The following TRRAP variants were observed in gnomAD, a reference collection of about 807,000 sequenced individuals.
TRRAP encodes transformation/transcription domain-associated protein.
Under a neutral mutation model 438.8 loss-of-function variants are expected in TRRAP, and 41 were observed. The observed-to-expected ratio is 0.09, with a 90% CI of 0.07 to 0.12. The LOEUF (loss-of-function observed/expected upper bound fraction) is 0.12, where lower values mean the gene tolerates loss of function less well. Among genes scored for constraint, TRRAP ranks in the 10% least tolerant of loss-of-function variants. The pLI is 1.00. For synonymous variants in TRRAP, 1,994 were observed against 1,962.9 expected, an observed-to-expected ratio of 1.02 and a Z score of -0.42; for missense variants, 3,122 against 5,055.1, an observed-to-expected ratio of 0.62 and a Z score of 11.60.
intron 18 of TRRAP, among the ~76,000 whole-genome samples, chr7:98,913,253 C>T (rs1388355731): frequency 6.6e-6 from 1 of 152,076 alleles, no homozygotes; most frequent in Non-Finnish European, 1.5e-5. Context: ...GTTACAGTTA[C>T]ATCAACAGTT....
At chr7:98,910,875 T>C (rs1226700934) in intron 16 of TRRAP, among the ~76,000 whole-genome samples, 1 of 151,880 alleles carries the variant, frequency 6.6e-6, no homozygotes, top group Admixed American at 6.6e-5. Context: ...TTTCATGGTC[T>C]GAACACCTAG....
At chr7:98,979,028 A>G in intron 58 of TRRAP, 124 bp downstream of exon 58, 1 of 1,266,984 alleles carries the variant, frequency 7.9e-7, no homozygotes, top group Non-Finnish European at 1.1e-6. Context: ...TTTGGGAAGG[A>G]AAGGTTCCTT....
intron 18 of TRRAP, 148 bp downstream of exon 18, chr7:98,912,361 G>GCACT: frequency 1.5e-6 from 1 of 648,464 alleles, no homozygotes; most frequent in Non-Finnish European, 2.4e-6. Context: ...GGGACTATAG[G>GCACT]CACTCACCAC....
At chr7:98,881,571 C>CA (rs35358303) in intron 2 of TRRAP, 17,944 of 123,718 alleles carry the variant, frequency 0.15, 2,830 homozygotes, top group African/African-American at 0.44. Context: ...GACTCCCTCT[C>CA]AAAAAAAAAA....
At chr7:98,886,501 T>G (rs113820802) in intron 3 of TRRAP, among the ~76,000 whole-genome samples, 3 of 152,084 alleles carry the variant, frequency 2.0e-5, no homozygotes, top group Admixed American at 6.6e-5. Context: ...TAGAGAGATA[T>G]GGATATCTAG....
In TRRAP at chr7:98,933,406, G is replaced by C. The variant is rs782762869; in HGVS notation, c.4014+4G>C. The C allele has an allele frequency of 1.2e-6, 2 of 1,610,768 alleles. No individual in the cohort carries two copies. Among genetic ancestry groups the C allele is most frequent in the East Asian group, 4.5e-5 (2 of 44,796 alleles). The stretch of plus-strand genomic sequence containing the variant: ...GCATAAGGTGTTCTACACAGAGGTA[G>C]GGGGGTGGTGGTGCGGAGTGGTGTG... On this transcript the variant is annotated splice_donor_region_variant and intron_variant, in intron 27 of 72. Transcript: ENST00000456197.
chr7:99,012,427 C>G lies in TRRAP; in HGVS notation c.*72C>G. The G allele has an allele frequency of 6.8e-7, 1 of 1,471,002 alleles. No individual in the cohort carries two copies. 91.1% of individuals were successfully genotyped at this position (1,471,002 alleles called of 1,614,324 possible). ...TGAGCCCGCAGCTTTTACGACTTCT[C>G]CCTGCCTCGTTCCTTATATTCACAG... On this transcript the variant is annotated 3_prime_UTR_variant, in exon 73 of 73. Coordinates refer to ENST00000456197, the MANE Select transcript of TRRAP (RefSeq NM_001375524.1). This position sits in a 1 kb window ranked among gnomAD's most constrained non-coding sequence, Gnocchi z 5.9.
intron 48 of TRRAP, 30 bp downstream of exon 48, chr7:98,964,805 T>TCAGACTCTGTTGAACAGAGAA (rs770096272): frequency 1.7e-5 from 28 of 1,600,396 alleles, no homozygotes; most frequent in Admixed American, 6.9e-5. Context: ...GGGCCTTTCC[T>TCAGACTCTGTTGAACAGAGAA]CAGACTCTGT....
At chr7:98,943,106 G>C in intron 31 of TRRAP, 89 bp downstream of exon 31, 1 of 1,375,690 alleles carries the variant, frequency 7.3e-7, no homozygotes, top group Non-Finnish European at 1.0e-6. Flanking sequence ...TAAAATGCCG[G>C]TCAGAAACCT....
At chr7:98,968,606 T>C (rs1383896259) in intron 51 of TRRAP, among the ~76,000 whole-genome samples, 1 of 152,226 alleles carries the variant, frequency 6.6e-6, no homozygotes, top group Non-Finnish European at 1.5e-5. Context: ...TTACCAGTGC[T>C]GTGCAGGTAG....
intron 52 of TRRAP, 52 bp downstream of exon 52, chr7:98,970,343 C>T: frequency 1.3e-6 from 2 of 1,585,812 alleles, no homozygotes; most frequent in Non-Finnish European, 1.7e-6. Flanking sequence ...TGAGGCCCCA[C>T]ACCCCACGGG....
At chr7:98,996,322 C>T (rs1399269377) in intron 67 of TRRAP, among the ~76,000 whole-genome samples, 1 of 152,230 alleles carries the variant, frequency 6.6e-6, no homozygotes, top group African/African-American at 2.4e-5. Flanking sequence ...CATTCAGCCT[C>T]CATCCCACTT....
chr7:99,011,281 C>G lies in TRRAP; in HGVS notation c.11142+26C>G, dbSNP rs757315580. ...GTAACCTGCTTTGAACAGCCAGATC[C>G]TCTCCTCGTGACATCGCCTTTCTGC... On this transcript the variant is annotated intron_variant, in intron 71 of 72. Coordinates refer to ENST00000456197, the MANE Select transcript of TRRAP (RefSeq NM_001375524.1). The surrounding 1 kb of genome is among the most constrained non-coding windows in gnomAD (Gnocchi z 7.1). The G allele has an allele frequency of 4.3e-6, 7 of 1,613,434 alleles. No homozygotes were observed. The East Asian group carries it at 1.3e-4, about 31-fold the overall frequency.
rs182325186 is a variant in TRRAP at position 99,008,045 on chromosome 7, C to T, written c.10754-332C>T. ...TTCACCATGTTGACCAGGATGGTCT[C>T]GATCTCCTGACCTCGTGATCCGCCC... is the stretch of plus-strand genomic sequence containing the variant. On this transcript the variant is annotated intron_variant, in intron 69 of 72. Coordinates refer to ENST00000456197, the MANE Select transcript of TRRAP (RefSeq NM_001375524.1). Among the ~76,000 whole-genome samples, 4 of 151,960 alleles carry T rather than the reference C, an allele frequency of 2.6e-5. No homozygotes were observed. In the East Asian group the frequency reaches 5.9e-4, roughly 22 times the overall value.
rs1203926122 is a variant in TRRAP at position 98,957,926 on chromosome 7, G to A, written c.6232-55G>A. 2.6e-6 allele frequency: 4 copies of A among 1,513,550 alleles called. No individual in the cohort carries two copies. In the Admixed American group the frequency reaches 7.2e-5, roughly 27 times the overall value. 93.8% of individuals were successfully genotyped at this position (1,513,550 alleles called of 1,614,324 possible). ...TTAGCTGGGTGAAAAGTCAAGCCTG[G>A]GTTGGAAATTAGTGTTGCGATTCTC... On this transcript the variant is annotated intron_variant, in intron 43 of 72. Coordinates refer to ENST00000456197, the MANE Select transcript of TRRAP (RefSeq NM_001375524.1).
chr7:98,984,824 CAATTT>C, intron 61 of TRRAP, 115 bp from the exon 62 acceptor site: 1 of 561,480 alleles, frequency 1.8e-6, no homozygotes. Flanking sequence ...AATCTTTTGT[CAATTT>C]AAAGTACATT....
intron 23 of TRRAP, among the ~76,000 whole-genome samples, chr7:98,928,758 T>G (rs1295331897): frequency 6.6e-6 from 1 of 151,184 alleles, no homozygotes; most frequent in African/African-American, 2.4e-5. Context: ...TTTTCTTTAT[T>G]TTTTTTTTAA....
chr7:98,994,986 C>A lies in TRRAP; in HGVS notation c.10309+138C>A. On this transcript the variant is annotated intron_variant, in intron 67 of 72. Coordinates refer to ENST00000456197, the MANE Select transcript of TRRAP (RefSeq NM_001375524.1). This position sits in a 1 kb window ranked among gnomAD's most constrained non-coding sequence, Gnocchi z 4.8. ...CACTGGTTACACTCTGTTTACAGTGCAGACTTCAGAGTGCATAGCTGAGAC... is the reference window on the plus strand; with the variant it reads ...CACTGGTTACACTCTGTTTACAGTGAAGACTTCAGAGTGCATAGCTGAGAC... The A allele has an allele frequency of 2.3e-6, 3 of 1,283,524 alleles. No homozygotes were observed. The highest frequency in any genetic ancestry group is 3.2e-6 in the Non-Finnish European group (3 of 941,688). 79.5% of individuals were successfully genotyped at this position (1,283,524 alleles called of 1,614,324 possible).
intron 53 of TRRAP, among the ~76,000 whole-genome samples, chr7:98,974,168 AG>A (rs1792544477): frequency 6.6e-6 from 1 of 152,164 alleles, no homozygotes; most frequent in South Asian, 2.1e-4. Context: ...TAAAGCAGCC[AG>A]GGCTGGTGGG....
Sources: allele counts gnomAD v4.1 joint callset (sites outside exome capture counted in the v4.1 genomes callset), GRCh38; gene constraint gnomAD v4.1.1; non-coding constraint Gnocchi (gnomAD v3.1); transcripts MANE v1.5; gene names NCBI Gene and HGNC (gene_info 2026-07-23, HGNC 2026-07-21).